DACH2: variants seen among roughly 807,000 people sequenced by gnomAD.
DACH2 encodes dachshund family transcription factor 2, also known as dachshund homolog 2.
DACH2 carries 17 observed loss-of-function variants against 35.8 expected under a neutral mutation model. The observed-to-expected ratio is 0.48, with a 90% CI of 0.33 to 0.71. DACH2 has a LOEUF of 0.71. DACH2 is among the 30% of genes least tolerant of loss of function. The pLI, the probability that DACH2 is intolerant of heterozygous loss-of-function variation, is 0.02. For missense variants in DACH2, 469 were observed against 472.7 expected (o/e 0.99, Z 0.07); for synonymous variants, 195 against 177.3 (o/e 1.10, Z -0.79).
chrX:86,770,169 T>C lies in DACH2; in HGVS notation c.1240+30287T>C, dbSNP rs112653913. ...TCAATGATGTAATAAGAGCCACTCA[T>C]TTTTTTTTTTCATTCAAGCACTAAT... On this transcript the variant is annotated intron_variant, in intron 7 of 11. Coordinates refer to ENST00000373125, the MANE Select transcript of DACH2 (RefSeq NM_053281.3). Among the ~76,000 whole-genome samples the C allele has an allele frequency of 0.017, 221 of 12,675 alleles. 3 individuals are homozygous for C. In the East Asian group the frequency reaches 0.38, roughly 22 times the overall value. 11.0% of individuals were successfully genotyped at this position (12,675 alleles called of 115,157 possible).
intron 2 of DACH2, among the ~76,000 whole-genome samples, chrX:86,512,546 C>A (rs1340282007): frequency 9.0e-6 from 1 of 111,498 alleles, no homozygotes; most frequent in Non-Finnish European, 1.9e-5. Context: ...CTGGAGGCAG[C>A]CAGTCTGAAA....
chrX:86,599,546 G>GAGTGC (rs1028502059), intron 3 of DACH2, among the ~76,000 whole-genome samples: 1 of 90,993 alleles, frequency 1.1e-5, no homozygotes, highest in African/African-American at 4.4e-5. Flanking sequence ...CAACCAGCTG[G>GAGTGC]AGTGCAGTGG....
intron 3 of DACH2, among the ~76,000 whole-genome samples, chrX:86,641,062 T>A (rs1933861802): frequency 8.9e-6 from 1 of 112,010 alleles, no homozygotes; most frequent in South Asian, 3.7e-4. Flanking sequence ...ATTCTCCAAA[T>A]GATCACACCA....
At chrX:86,296,368 G>T (rs1246073587) in intron 1 of DACH2, among the ~76,000 whole-genome samples, 1 of 83,111 alleles carries the variant, frequency 1.2e-5, no homozygotes, top group East Asian at 3.8e-4. Context: ...GCCACAGAGC[G>T]AGACTCCATC....
intron 2 of DACH2, among the ~76,000 whole-genome samples, chrX:86,499,087 A>G (rs2038213297): frequency 8.9e-6 from 1 of 112,167 alleles, no homozygotes; most frequent in South Asian, 3.6e-4. Context: ...CAACATATGC[A>G]TAGGTACTTT....
intron 3 of DACH2, among the ~76,000 whole-genome samples, chrX:86,532,619 C>T (rs190336713): frequency 9.0e-6 from 1 of 111,093 alleles, no homozygotes; most frequent in South Asian, 3.9e-4. Flanking sequence ...AATTAAACCC[C>T]TTTTCTTTAA....
intron 1 of DACH2, among the ~76,000 whole-genome samples, chrX:86,243,522 T>C (rs762472120): frequency 8.9e-6 from 1 of 111,934 alleles, no homozygotes; most frequent in South Asian, 3.7e-4. Context: ...TTTCTGGTCA[T>C]TACCTGTGTA....
intron 2 of DACH2, among the ~76,000 whole-genome samples, chrX:86,408,381 A>G (rs964171290): frequency 9.0e-6 from 1 of 111,526 alleles, no homozygotes; most frequent in African/African-American, 3.3e-5. Flanking sequence ...GTTGTGGAAG[A>G]TTTTTTGCCA....
At chrX:86,485,722 T>C (rs2038009612) in intron 2 of DACH2, among the ~76,000 whole-genome samples, 1 of 111,177 alleles carries the variant, frequency 9.0e-6, no homozygotes, top group Non-Finnish European at 1.9e-5. Context: ...GTGATAAATA[T>C]AAAAAAAACT....
At chrX:86,589,283 C>A (rs6623725) in intron 3 of DACH2, among the ~76,000 whole-genome samples, 14,550 of 110,326 alleles carry the variant, frequency 0.13, 918 homozygotes, top group East Asian at 0.29. Context: ...CGATTTTATT[C>A]AATTCTGCTC....
Position 86,695,166 on chromosome X carries a change from C to T in DACH2, c.918C>T (p.His306=). Residue 306 remains histidine, a synonymous_variant, in exon 5 of 12, where the codon CAC becomes CAT. Transcript: ENST00000373125. The stretch of plus-strand genomic sequence containing the variant: ...CCCTCAATCCACTGCAGCAGAACCA[C>T]CTGCTAACCAATAGTATGTATACTG... ...APTLNPLQQN[H]LLTNRLDLPF... is the part of the protein sequence containing the mutation. The T allele has an allele frequency of 9.3e-7, 1 of 1,079,532 alleles. No individual in the cohort carries two copies. Among genetic ancestry groups the T allele is most frequent in the Non-Finnish European group, 1.2e-6 (1 of 826,145 alleles). 89.0% of individuals were successfully genotyped at this position (1,079,532 alleles called of 1,213,427 possible). A position where few individuals can be genotyped will look rare whatever the true frequency, so the allele number is the denominator to read the frequency against.
intron 2 of DACH2, among the ~76,000 whole-genome samples, chrX:86,511,282 A>G (rs1171246650): frequency 2.7e-5 from 3 of 111,955 alleles, no homozygotes; most frequent in Non-Finnish European, 5.6e-5. Flanking sequence ...CAGTAGGTCT[A>G]ATAGAATAAA....
chrX:86,225,582 T>TA (rs556270797), intron 1 of DACH2, among the ~76,000 whole-genome samples: 7 of 109,340 alleles, frequency 6.4e-5, no homozygotes, highest in East Asian at 2.9e-4. Context: ...GTTTCTCCTT[T>TA]AAAAAAAAAG....
At chrX:86,705,760 GAAGTCATTATATCAGA>G (rs2041208845) in intron 5 of DACH2, among the ~76,000 whole-genome samples, 1 of 111,256 alleles carries the variant, frequency 9.0e-6, no homozygotes, top group African/African-American at 3.3e-5. Context: ...CAAAGGAAAA[GAAGTCATTATATCAGA>G]AAGACACCTG....
At chrX:86,477,589 T>A (rs866414768) in intron 2 of DACH2, among the ~76,000 whole-genome samples, 18 of 109,520 alleles carry the variant, frequency 1.6e-4, no homozygotes, top group African/African-American at 5.9e-4. Flanking sequence ...AGGCAGCAGA[T>A]CATTGGGTTC....
chrX:86,515,028 A>C (rs2038447454), intron 3 of DACH2, among the ~76,000 whole-genome samples: 1 of 111,590 alleles, frequency 9.0e-6, no homozygotes, highest in African/African-American at 3.3e-5. Flanking sequence ...TAAGCTTAAT[A>C]TTTCTATAAT....
intron 4 of DACH2, among the ~76,000 whole-genome samples, chrX:86,663,751 G>A (rs2040634174): frequency 9.0e-6 from 1 of 111,650 alleles, no homozygotes; most frequent in African/African-American, 3.3e-5. Flanking sequence ...TCTCCATGTG[G>A]AATTTGACAC....
At position 86,832,160 on chromosome X, in the gene DACH2, T is replaced by G. The variant is rs1239903876; in HGVS notation, c.*5T>G. The stretch of plus-strand genomic sequence containing the variant: ...CAACAGTTGTATTCAGCCTGAAAGG[T>G]CCTCGCTGGCTTTACATAAATGAAG... On this transcript the variant is annotated 3_prime_UTR_variant, in exon 12 of 12. Coordinates refer to ENST00000373125, the MANE Select transcript of DACH2 (RefSeq NM_053281.3). 1 of 1,175,190 alleles carries G rather than the reference T, an allele frequency of 8.5e-7. No homozygotes were observed. The highest frequency in any genetic ancestry group is 1.8e-5 in the South Asian group (1 of 54,965).
intron 1 of DACH2, among the ~76,000 whole-genome samples, chrX:86,311,098 C>T (rs2034790879): frequency 8.9e-6 from 1 of 111,806 alleles, no homozygotes; most frequent in Non-Finnish European, 1.9e-5. Flanking sequence ...GGTAATCAGC[C>T]AGCTACCTGG....
Sources: gnomAD v4.1 joint callset for allele counts (sites outside exome capture counted in the v4.1 genomes callset) on GRCh38, gnomAD v4.1.1 for gene constraint, MANE v1.5 for transcripts, NCBI Gene and HGNC (gene_info 2026-07-23, HGNC 2026-07-21) for gene names.